The following WDR70 variants were observed in gnomAD, a reference collection of about 807,000 sequenced individuals.
The protein encoded by WDR70 is WD repeat-containing protein 70.
In WDR70, 53 loss-of-function variants were observed where a neutral mutation model predicts 88.6. The observed-to-expected ratio is 0.60, with a 90% CI of 0.48 to 0.75. WDR70 has a LOEUF of 0.75. WDR70 is among the 30% of genes least tolerant of loss of function. The pLI is 0.00. For missense variants in WDR70, 610 were observed against 823.2 expected (o/e 0.74, Z 3.17); for synonymous variants, 280 against 270.0 (o/e 1.04, Z -0.36).
chr5:37,672,451 G>C (rs1221808066), intron 10 of WDR70, among the ~76,000 whole-genome samples: 1 of 152,168 alleles, frequency 6.6e-6, no homozygotes, highest in Admixed American at 6.5e-5. Context: ...TCTGTTCTGA[G>C]ATAGGAGAAA....
At chr5:37,635,265 A>T (rs759143167) in intron 10 of WDR70, among the ~76,000 whole-genome samples, 1 of 152,132 alleles carries the variant, frequency 6.6e-6, no homozygotes, top group Non-Finnish European at 1.5e-5. Flanking sequence ...ATTTCTCAGT[A>T]TGTGTGTGGA....
chr5:37,481,007 C>G (rs1036736583), intron 8 of WDR70, among the ~76,000 whole-genome samples: 10 of 152,224 alleles, frequency 6.6e-5, no homozygotes, highest in Non-Finnish European at 1.5e-4. Flanking sequence ...CAAAACCCAG[C>G]AGGCAAATCT....
intron 8 of WDR70, among the ~76,000 whole-genome samples, chr5:37,510,468 A>G (rs1047931903): frequency 2.0e-5 from 3 of 152,104 alleles, no homozygotes; most frequent in Admixed American, 6.6e-5. Flanking sequence ...CATAATCATA[A>G]TTTTCTTTTT....
intron 9 of WDR70, among the ~76,000 whole-genome samples, chr5:37,557,943 C>CTCTTTTGAAAAA (rs1742348231): frequency 6.6e-6 from 1 of 151,286 alleles, no homozygotes. Context: ...CTTTTGAATA[C>CTCTTTTGAAAAA]TCTTCAAAAG....
intron 10 of WDR70, among the ~76,000 whole-genome samples, chr5:37,644,031 G>A (rs531730550): frequency 1.3e-5 from 2 of 152,094 alleles, no homozygotes; most frequent in East Asian, 3.9e-4. Context: ...TTGAATAACA[G>A]TGGTGAAAGT....
At chr5:37,658,334 A>G (rs1250741885) in intron 10 of WDR70, among the ~76,000 whole-genome samples, 1 of 152,182 alleles carries the variant, frequency 6.6e-6, no homozygotes, top group African/African-American at 2.4e-5. Flanking sequence ...ATACCTTTTT[A>G]GTGGAAATTC....
chr5:37,449,604 TAAAAAATAAA>T (rs1315788116), intron 7 of WDR70, among the ~76,000 whole-genome samples: 10,271 of 95,190 alleles, frequency 0.11, 445 homozygotes, highest in African/African-American at 0.12. Flanking sequence ...AAAAAAAAAA[TAAAAAATAAA>T]AAATAAATAA....
At chr5:37,415,250 A>G (rs979740402) in intron 5 of WDR70, among the ~76,000 whole-genome samples, 21 of 151,902 alleles carry the variant, frequency 1.4e-4, no homozygotes, top group African/African-American at 4.8e-4. Flanking sequence ...TTTCTATTCC[A>G]CAAAACCGCC....
At chr5:37,449,728 A>T (rs1230667668) in intron 7 of WDR70, among the ~76,000 whole-genome samples, 2 of 152,020 alleles carry the variant, frequency 1.3e-5, no homozygotes, top group Non-Finnish European at 2.9e-5. Flanking sequence ...TTAGCAAATA[A>T]GATCTAGGTT....
At chr5:37,573,645 C>T (rs1382492250) in intron 9 of WDR70, among the ~76,000 whole-genome samples, 1 of 150,600 alleles carries the variant, frequency 6.6e-6, no homozygotes, top group Non-Finnish European at 1.5e-5. Context: ...GTTTTTTGTC[C>T]TTGCGATAGT....
At chr5:37,714,829 C>G (rs79704447) in intron 13 of WDR70, among the ~76,000 whole-genome samples, 1 of 152,160 alleles carries the variant, frequency 6.6e-6, no homozygotes, top group Non-Finnish European at 1.5e-5. Context: ...ACAAATTCTT[C>G]TCAAGTAACA....
intron 10 of WDR70, among the ~76,000 whole-genome samples, chr5:37,686,044 C>CA (rs1746585048): frequency 6.6e-6 from 1 of 152,170 alleles, no homozygotes; most frequent in Admixed American, 6.5e-5. Context: ...CTGTCTTGCC[C>CA]AAATCTCCCC....
rs551206285 is a variant in WDR70, at chr5:37,648,332, T to A, written c.1092+43094T>A. Among the ~76,000 whole-genome samples, 9 of 152,224 alleles carry A rather than the reference T, an allele frequency of 5.9e-5. No individual in the cohort carries two copies. The South Asian group carries it at 1.0e-3, about 18-fold the overall frequency. On this transcript the variant is annotated intron_variant, in intron 10 of 17. Coordinates refer to ENST00000265107, the MANE Select transcript of WDR70 (RefSeq NM_018034.4). ...TATCTCCAGGTCTAAGCTCTTGGGT[T>A]CTGTTCCTGAAAGACACCATACCAT...
chr5:37,657,309 G>A (rs6887215), intron 10 of WDR70, among the ~76,000 whole-genome samples: 63,783 of 151,806 alleles, frequency 0.42, 15,181 homozygotes, highest in Non-Finnish European at 0.54. Context: ...GCTCGCCCTC[G>A]TGGGCTGTAC....
At chr5:37,540,882 A>G (rs887075194) in intron 9 of WDR70, among the ~76,000 whole-genome samples, 1 of 152,124 alleles carries the variant, frequency 6.6e-6, no homozygotes, top group African/African-American at 2.4e-5. Flanking sequence ...ATGTTTTGAT[A>G]TTTTATTTTT....
At chr5:37,743,319 C>A (rs926713390) in intron 17 of WDR70, among the ~76,000 whole-genome samples, 1 of 152,212 alleles carries the variant, frequency 6.6e-6, no homozygotes, top group Admixed American at 6.5e-5. Context: ...ACTTGCAGAC[C>A]CAGGCCAGTG....
Position 37,606,847 on chromosome 5 carries a change from T to C in WDR70, c.1092+1609T>C, listed in dbSNP as rs925351046. Among the ~76,000 whole-genome samples the C allele has an allele frequency of 8.1e-4, 117 of 144,706 alleles. 2 individuals are homozygous for C. The highest frequency in any genetic ancestry group is 2.9e-3 in the African/African-American group (110 of 38,132). 94.9% of individuals were successfully genotyped at this position (144,706 alleles called of 152,430 possible). A position where few individuals can be genotyped will look rare whatever the true frequency, so the allele number is the denominator to read the frequency against. On this transcript the variant is annotated intron_variant, in intron 10 of 17. Transcript: ENST00000265107. ...AAAACTTGCCAGCAGGAAACACAGC[T>C]TGATTTGAAAACAGATTTTTAAAAA...
chr5:37,674,268 A>T (rs576392489), intron 10 of WDR70, among the ~76,000 whole-genome samples: 4 of 151,906 alleles, frequency 2.6e-5, no homozygotes, highest in Non-Finnish European at 1.5e-5. Context: ...TTTAAGTTTT[A>T]CATGTGCACA....
chr5:37,606,887 C>A (rs961780283), intron 10 of WDR70, among the ~76,000 whole-genome samples: 24 of 25,518 alleles, frequency 9.4e-4, no homozygotes, highest in African/African-American at 4.4e-3. Flanking sequence ...CTTGCTCCCC[C>A]CTCCCCTCCC....
Sources: allele counts gnomAD v4.1 joint callset (sites outside exome capture counted in the v4.1 genomes callset), GRCh38; gene constraint gnomAD v4.1.1; transcripts MANE v1.5; gene names NCBI Gene and HGNC (gene_info 2026-07-23, HGNC 2026-07-21).